The following EEFSEC variants were observed in gnomAD, a reference collection of about 807,000 sequenced individuals.
The protein encoded by EEFSEC is eukaryotic elongation factor, selenocysteine-tRNA specific, also known as selenocysteine-specific elongation factor.
EEFSEC carries 43 observed loss-of-function variants against 42.1 expected under a neutral mutation model. That is an observed-to-expected ratio of 1.02 (90% CI 0.80 to 1.32). The LOEUF (loss-of-function observed/expected upper bound fraction) is 1.32, where lower values mean the gene tolerates loss of function less well. Ranked by LOEUF, EEFSEC falls within the 40% of genes most tolerant of loss-of-function variation. The pLI, the probability that EEFSEC is intolerant of heterozygous loss-of-function variation, is 0.00. For synonymous variants in EEFSEC, 354 were observed against 339.1 expected (o/e 1.04, Z -0.48); for missense variants, 745 against 803.6 (o/e 0.93, Z 0.88).
downstream of EEFSEC, among the ~76,000 whole-genome samples, chr3:128,410,077 G>A (rs1443180783): frequency 1.3e-5 from 2 of 151,062 alleles, no homozygotes; most frequent in Non-Finnish European, 2.9e-5. Context: ...AGTCCCTGGG[G>A]GCAGGAGAGG....
intron 1 of EEFSEC, among the ~76,000 whole-genome samples, chr3:128,170,284 T>A (rs2065281831): frequency 6.6e-6 from 1 of 152,186 alleles, no homozygotes; most frequent in African/African-American, 2.4e-5. Flanking sequence ...TTCTTGAGGC[T>A]GGGCACGGTG....
chr3:128,414,396 C>A, the EEFSEC span, among the ~76,000 whole-genome samples: 3 of 152,172 alleles, frequency 2.0e-5, no homozygotes, highest in Non-Finnish European at 4.4e-5. Flanking sequence ...GACGCAGGGA[C>A]CCAGAGGACC....
chr3:128,203,563 G>T (rs1343944895), intron 1 of EEFSEC, among the ~76,000 whole-genome samples: 2 of 152,216 alleles, frequency 1.3e-5, no homozygotes. Context: ...GGAGATGGAG[G>T]TCTGTAGGAA....
chr3:128,200,374 C>T (rs1344946349), intron 1 of EEFSEC, among the ~76,000 whole-genome samples: 4 of 152,062 alleles, frequency 2.6e-5, no homozygotes, highest in African/African-American at 9.6e-5. Context: ...CCGCAACCTC[C>T]GCCTCTCAGG....
At chr3:128,198,986 C>T (rs942628759) in intron 1 of EEFSEC, among the ~76,000 whole-genome samples, 3 of 152,138 alleles carry the variant, frequency 2.0e-5, no homozygotes, top group South Asian at 4.1e-4. Flanking sequence ...CATGCGCCAC[C>T]GCACCCAGCT....
At chr3:128,225,925 C>G (rs2065902887) in intron 1 of EEFSEC, among the ~76,000 whole-genome samples, 1 of 152,230 alleles carries the variant, frequency 6.6e-6, no homozygotes, top group Non-Finnish European at 1.5e-5. Flanking sequence ...GGCACAGAGG[C>G]AGATGTGTCT....
At chr3:128,324,054 C>T (rs556362932) in intron 4 of EEFSEC, among the ~76,000 whole-genome samples, 16 of 152,298 alleles carry the variant, frequency 1.1e-4, no homozygotes, top group African/African-American at 3.8e-4. Context: ...GGACACGGAC[C>T]TCTCACGGCC....
Position 128,262,215 on chromosome 3 carries a change from G to A in EEFSEC, c.612G>A (p.Glu204=). ...CTGAAGCTCCACAGGGCATTCCAGAGCTCATTGAGGTACTGTCATCTTGAA... is the reference window on the plus strand; with the variant it reads ...CTGAAGCTCCACAGGGCATTCCAGAACTCATTGAGGTACTGTCATCTTGAA... ...PETEAPQGIP[E]LIELLTSQIS... is the part of the protein sequence containing the mutation. The change falls in exon 3 of 7, where the codon GAG becomes GAA. Residue 204 remains glutamate, a synonymous_variant. Transcript: ENST00000254730. 1 of 1,614,114 alleles carries A rather than the reference G, an allele frequency of 6.2e-7. No individual in the cohort carries two copies. Among genetic ancestry groups the A allele is most frequent in the Non-Finnish European group, 8.5e-7 (1 of 1,179,978 alleles).
At chr3:128,270,369 A>G (rs555959290) in intron 4 of EEFSEC, among the ~76,000 whole-genome samples, 4 of 152,326 alleles carry the variant, frequency 2.6e-5, no homozygotes, top group South Asian at 2.1e-4. Flanking sequence ...GGACCCCACT[A>G]TGGTCCACTA....
intron 6 of EEFSEC, among the ~76,000 whole-genome samples, chr3:128,359,524 T>A (rs1417786935): frequency 2.0e-5 from 3 of 152,136 alleles, no homozygotes; most frequent in African/African-American, 7.2e-5. Flanking sequence ...GGGACTCAGT[T>A]GTGTGCCACC....
chr3:128,295,558 A>G (rs2066695637), intron 4 of EEFSEC, among the ~76,000 whole-genome samples: 1 of 141,664 alleles, frequency 7.1e-6, no homozygotes, highest in Admixed American at 7.7e-5. Flanking sequence ...TGTTTACAAA[A>G]TAAACAATTC....
intron 4 of EEFSEC, among the ~76,000 whole-genome samples, chr3:128,281,559 C>T (rs1028998552): frequency 3.3e-5 from 5 of 152,174 alleles, no homozygotes; most frequent in South Asian, 2.1e-4. Context: ...AATCCCAAAA[C>T]GCCAGGCAGT....
At chr3:128,244,255 G>T (rs1394697255) in intron 1 of EEFSEC, among the ~76,000 whole-genome samples, 1 of 152,230 alleles carries the variant, frequency 6.6e-6, no homozygotes, top group Non-Finnish European at 1.5e-5. Flanking sequence ...TTTACTGATG[G>T]TTAGGACCCG....
At chr3:128,360,404 TC>T in intron 6 of EEFSEC, among the ~76,000 whole-genome samples, 1 of 152,192 alleles carries the variant, frequency 6.6e-6, no homozygotes. Flanking sequence ...CCGGGATTCT[TC>T]CAGCTGGGTC....
intron 4 of EEFSEC, among the ~76,000 whole-genome samples, chr3:128,295,404 C>T (rs1352044873): frequency 1.5e-5 from 2 of 134,244 alleles, no homozygotes; most frequent in Admixed American, 1.5e-4. Context: ...AACAGGAAAC[C>T]CCTTTTGTGA....
intron 1 of EEFSEC, among the ~76,000 whole-genome samples, chr3:128,213,070 C>T (rs140074174): frequency 1.5e-4 from 23 of 152,336 alleles, no homozygotes; most frequent in African/African-American, 5.0e-4. Flanking sequence ...CCCACCACAC[C>T]TTCTGCATTG....
Position 128,157,555 on chromosome 3 carries a change from C to T in EEFSEC, c.316+3732C>T, listed in dbSNP as rs113939630. On this transcript the variant is annotated intron_variant, in intron 1 of 6. Coordinates refer to ENST00000254730, the MANE Select transcript of EEFSEC (RefSeq NM_021937.5). The stretch of plus-strand genomic sequence containing the variant: ...CTGAAGCCATTGCTCATTGACCATT[C>T]CAAAAATCCTAGGGCCCTTAAGAAT... 1.9e-3 allele frequency among the ~76,000 whole-genome samples: 297 copies of T among 152,318 alleles called. 1 individual carries two copies. The highest frequency in any genetic ancestry group is 6.8e-3 in the African/African-American group (283 of 41,560).
chr3:128,375,447 G>A (rs1465887383), intron 6 of EEFSEC, among the ~76,000 whole-genome samples: 2 of 152,214 alleles, frequency 1.3e-5, no homozygotes, highest in Non-Finnish European at 2.9e-5. Flanking sequence ...TGCCTTGACA[G>A]TGCCCTCTTA....
chr3:128,305,816 T>TA, intron 4 of EEFSEC, among the ~76,000 whole-genome samples: 1 of 152,350 alleles, frequency 6.6e-6, no homozygotes, highest in Non-Finnish European at 1.5e-5. Flanking sequence ...TATGTATTTC[T>TA]TTCATTGGGT....
Sources: allele counts gnomAD v4.1 joint callset (sites outside exome capture counted in the v4.1 genomes callset), GRCh38; gene constraint gnomAD v4.1.1; transcripts MANE v1.5; gene names NCBI Gene and HGNC (gene_info 2026-07-23, HGNC 2026-07-21).